The following SLC25A26 variants were observed in gnomAD, a reference collection of about 807,000 sequenced individuals.
SLC25A26 encodes the protein mitochondrial S-adenosylmethionine carrier protein.
SLC25A26 carries 36 observed loss-of-function variants against 37.8 expected under a neutral mutation model. That is an observed-to-expected ratio of 0.95 (90% confidence interval 0.73 to 1.26). SLC25A26 has a LOEUF of 1.26. Ranked by LOEUF, SLC25A26 falls within the 50% of genes most tolerant of loss-of-function variation. The pLI is 0.00. For missense variants in SLC25A26, 390 were observed against 331.1 expected (o/e 1.18, Z -1.38); for synonymous variants, 129 against 122.5 (o/e 1.05, Z -0.35).
intron 5 of SLC25A26, among the ~76,000 whole-genome samples, chr3:66,305,494 A>G (rs1459633593): frequency 1.3e-5 from 2 of 152,164 alleles, no homozygotes; most frequent in African/African-American, 4.8e-5. Context: ...CATATGTAGG[A>G]TATGCAGCTT....
At chr3:66,283,913 T>C (rs1186697143) in intron 5 of SLC25A26, among the ~76,000 whole-genome samples, 1 of 152,250 alleles carries the variant, frequency 6.6e-6, no homozygotes, top group Admixed American at 6.5e-5. Context: ...GTTTCGATAA[T>C]ACTTTATAAA....
chr3:66,316,126 A>G (rs1013190809), intron 5 of SLC25A26, among the ~76,000 whole-genome samples: 1 of 152,070 alleles, frequency 6.6e-6, no homozygotes, highest in Non-Finnish European at 1.5e-5. Flanking sequence ...TAAGGTTACT[A>G]TTGTTATTGT....
At chr3:66,293,742 A>G (rs547040824) in intron 5 of SLC25A26, among the ~76,000 whole-genome samples, 24 of 152,306 alleles carry the variant, frequency 1.6e-4, no homozygotes, top group Admixed American at 3.9e-4. Flanking sequence ...ACGGCTGTAT[A>G]GTATTCATGG....
chr3:66,287,901 T>C (rs1368350822), intron 5 of SLC25A26, among the ~76,000 whole-genome samples: 1 of 152,246 alleles, frequency 6.6e-6, no homozygotes, highest in African/African-American at 2.4e-5. Flanking sequence ...GGACAGATTA[T>C]AGAAATTTTC....
At chr3:66,221,268 G>GC in intron 1 of SLC25A26, 141 bp downstream of exon 1, 2 of 921,686 alleles carry the variant, frequency 2.2e-6, no homozygotes, top group Non-Finnish European at 3.1e-6. Context: ...CTGAGAGGGA[G>GC]CACGAGGCTC....
At chr3:66,187,897 C>A (rs950791519) in intron 1 of SLC25A26, among the ~76,000 whole-genome samples, 3,919 of 152,176 alleles carry the variant, frequency 0.026, 73 homozygotes, top group Non-Finnish European at 0.038. Context: ...TTACCCTGAA[C>A]ATCGTCATGA....
intron 1 of SLC25A26, among the ~76,000 whole-genome samples, chr3:66,223,890 A>G (rs990676703): frequency 2.6e-5 from 4 of 152,202 alleles, no homozygotes; most frequent in Admixed American, 6.5e-5. Context: ...AACTGGAACT[A>G]TGTATTAGCA....
At chr3:66,186,429 T>A (rs968673948) in intron 1 of SLC25A26, among the ~76,000 whole-genome samples, 11 of 152,108 alleles carry the variant, frequency 7.2e-5, no homozygotes, top group African/African-American at 2.4e-4. Flanking sequence ...ACCTCCCTGC[T>A]GCTGAACTTG....
upstream of SLC25A26, among the ~76,000 whole-genome samples, chr3:66,217,208 T>C (rs1337972688): frequency 6.6e-6 from 1 of 152,226 alleles, no homozygotes; most frequent in Non-Finnish European, 1.5e-5. Context: ...TCAAAGGATG[T>C]ATTAAATCAA....
chr3:66,149,867 C>T (rs1184747711), intron 1 of SLC25A26, among the ~76,000 whole-genome samples: 1 of 152,202 alleles, frequency 6.6e-6, no homozygotes, highest in East Asian at 1.9e-4. Context: ...CACCATGACT[C>T]TTGTGATCCT....
intron 5 of SLC25A26, among the ~76,000 whole-genome samples, chr3:66,340,650 A>T (rs2076188856): frequency 6.6e-6 from 1 of 152,022 alleles, no homozygotes; most frequent in South Asian, 2.1e-4. Flanking sequence ...TTTCAGTGCC[A>T]TTTATTGAAA....
Position 66,377,748 on chromosome 3 carries a change from C to T in SLC25A26, c.766C>T (p.Leu256=). The change falls in exon 10 of 10, where the codon CTG becomes TTG. Residue 256 remains leucine (L), a synonymous_variant. Transcript: ENST00000354883. ...CATCAGTCTGGGAGGTTTCATCTTT[C>T]TGGGGGCTTATGACCGAACGCACAG... The part of the protein sequence containing the change: ...AAISLGGFIF[L]GAYDRTHSLL... The T allele has an allele frequency of 2.5e-6, 4 of 1,613,910 alleles. No individual in the cohort carries two copies. The South Asian group carries it at 4.4e-5, about 18-fold the overall frequency.
intron 1 of SLC25A26, among the ~76,000 whole-genome samples, chr3:66,210,813 C>G (rs1313316050): frequency 6.6e-6 from 1 of 151,926 alleles, no homozygotes; most frequent in East Asian, 1.9e-4. Flanking sequence ...TGCGCCCGGC[C>G]TCGACTCATC....
At position 66,174,813 on chromosome 3, in the gene SLC25A26, G is replaced by GA. The variant is rs201726012; in HGVS notation, c.-354+40839dup. 1.3e-3 allele frequency among the ~76,000 whole-genome samples: 192 copies of GA among 143,446 alleles called. 1 individual carries two copies. The highest frequency in any genetic ancestry group is 7.3e-3 in the Middle Eastern group (2 of 274). The allele number at this position is 143,446 out of a possible 152,430, so 94.1% of individuals were successfully genotyped here. A position where few individuals can be genotyped will look rare whatever the true frequency, so the allele number is the denominator to read the frequency against. On this transcript the variant is annotated intron_variant, in intron 1 of 10. Coordinates refer to the SLC25A26 transcript ENST00000676754. ...CGTCTCAAAAAGAAAAAAAAAAAAA[G>GA]AAAAAAAAAATGCGCTATGAAAAGT...
intron 5 of SLC25A26, among the ~76,000 whole-genome samples, chr3:66,294,521 A>G (rs932971957): frequency 6.6e-6 from 1 of 152,172 alleles, no homozygotes; most frequent in Non-Finnish European, 1.5e-5. Flanking sequence ...GTCTATTGAG[A>G]TAATCATGTA....
At chr3:66,324,268 T>A (rs1352282127) in intron 5 of SLC25A26, 1 of 133,164 alleles carries the variant, frequency 7.5e-6, no homozygotes, top group Non-Finnish European at 1.6e-5. Flanking sequence ...GGAATGCTGT[T>A]TGGTTGAGTG....
chr3:66,201,473 A>G lies in SLC25A26; in HGVS notation c.-353-19269A>G, dbSNP rs2071109225. Among the ~76,000 whole-genome samples, 2 of 152,056 alleles carry G rather than the reference A, an allele frequency of 1.3e-5. 1 individual carries two copies. The highest frequency in any genetic ancestry group is 4.8e-5 in the African/African-American group (2 of 41,416). ...CTCAGCCTCCCAAGTAGCTGTGACT[A>G]TGGGCACGTGCCACTATACCTGGCT... On this transcript the variant is annotated intron_variant, in intron 1 of 10. Transcript: ENST00000676754.
chr3:66,272,374 G>A (rs1182524258), intron 5 of SLC25A26, among the ~76,000 whole-genome samples: 1 of 152,136 alleles, frequency 6.6e-6, no homozygotes, highest in Non-Finnish European at 1.5e-5. Flanking sequence ...TTTAAAATGA[G>A]TAATCCATAT....
In SLC25A26 at chr3:66,156,123, A is replaced by T. The variant is rs144032116; in HGVS notation, c.-354+22139A>T. Among the ~76,000 whole-genome samples the T allele has an allele frequency of 9.6e-3, 1,464 of 152,280 alleles. 6 individuals carry two copies. The highest frequency in any genetic ancestry group is 0.02 in the Middle Eastern group (6 of 294). On this transcript the variant is annotated intron_variant, in intron 1 of 10. Transcript: ENST00000676754. The stretch of plus-strand genomic sequence containing the variant: ...GGCTCAGAGGGAAAGCCAGGATACA[A>T]ATTCCAACAGGGAGGATTGGAGACT...
Sources: allele counts gnomAD v4.1 joint callset (sites outside exome capture counted in the v4.1 genomes callset), GRCh38; gene constraint gnomAD v4.1.1; transcripts MANE v1.5; gene names NCBI Gene and HGNC (gene_info 2026-07-23, HGNC 2026-07-21).